The following ADGRL3 variants were observed in gnomAD, a reference collection of about 807,000 sequenced individuals.
ADGRL3 encodes adhesion G protein-coupled receptor L3, also known as calcium-independent alpha-latrotoxin receptor 3.
ADGRL3 carries 62 observed loss-of-function variants against 153.5 expected under a neutral mutation model. The observed-to-expected ratio is 0.40, with a 90% CI of 0.33 to 0.50. The LOEUF (loss-of-function observed/expected upper bound fraction) is 0.50. ADGRL3 is among the 20% of genes least tolerant of loss of function. The pLI, the probability that ADGRL3 is intolerant of heterozygous loss-of-function variation, is 0.47. For synonymous variants in ADGRL3, 710 were observed against 672.5 expected (o/e 1.06, Z -0.86); for missense variants, 1,641 against 1,859.4 (o/e 0.88, Z 2.16).
intron 5 of ADGRL3, among the ~76,000 whole-genome samples, chr4:61,637,896 G>C (rs905545024): frequency 6.6e-6 from 1 of 152,062 alleles, no homozygotes; most frequent in Admixed American, 6.6e-5. Flanking sequence ...TCAAATACCT[G>C]GATAGTAGAC....
chr4:61,286,179 A>G (rs908277965), intron 1 of ADGRL3, among the ~76,000 whole-genome samples: 3 of 151,524 alleles, frequency 2.0e-5, no homozygotes, highest in Non-Finnish European at 4.4e-5. Context: ...GATATTGTAT[A>G]TTTTTAAAAA....
intron 5 of ADGRL3, among the ~76,000 whole-genome samples, chr4:61,643,787 G>A (rs1310096889): frequency 3.5e-5 from 5 of 144,512 alleles, no homozygotes; most frequent in Admixed American, 2.8e-4. Context: ...TTGGTATCAG[G>A]ATGATGCTGG....
At chr4:61,755,718 G>A (rs2096820356) in intron 8 of ADGRL3, among the ~76,000 whole-genome samples, 1 of 152,178 alleles carries the variant, frequency 6.6e-6, no homozygotes, top group South Asian at 2.1e-4. Context: ...GAGTGGTATT[G>A]TCTAGGTTTT....
intron 2 of ADGRL3, among the ~76,000 whole-genome samples, chr4:61,453,998 C>G (rs957344626): frequency 1.3e-5 from 2 of 151,828 alleles, no homozygotes; most frequent in African/African-American, 4.8e-5. Flanking sequence ...TGTCATTGTT[C>G]AGTTGTTCAT....
chr4:62,025,098 A>G (rs1377369675), intron 21 of ADGRL3, among the ~76,000 whole-genome samples: 1 of 152,164 alleles, frequency 6.6e-6, no homozygotes, highest in Non-Finnish European at 1.5e-5. Flanking sequence ...AAGTATAACC[A>G]TTTGATTGAA....
At chr4:61,249,931 C>T (rs940794214) in intron 1 of ADGRL3, among the ~76,000 whole-genome samples, 1 of 152,138 alleles carries the variant, frequency 6.6e-6, no homozygotes, top group East Asian at 1.9e-4. Flanking sequence ...CTTACCATTA[C>T]TGTAACATTA....
intron 24 of ADGRL3, 141 bp downstream of exon 24, chr4:62,037,997 C>A: frequency 1.1e-6 from 1 of 892,528 alleles, no homozygotes; most frequent in Non-Finnish European, 1.7e-6. Flanking sequence ...GGGAATGATT[C>A]TGACAGAAAT....
intron 2 of ADGRL3, among the ~76,000 whole-genome samples, chr4:61,485,182 A>C (rs968446398): frequency 6.6e-6 from 1 of 152,180 alleles, no homozygotes; most frequent in East Asian, 1.9e-4. Context: ...TACTGAGATG[A>C]GATAATTTCA....
chr4:61,437,634 TA>T (rs2097465714), intron 2 of ADGRL3, among the ~76,000 whole-genome samples: 1 of 152,236 alleles, frequency 6.6e-6, no homozygotes, highest in Non-Finnish European at 1.5e-5. Flanking sequence ...GTCTTCTTTA[TA>T]AAATATCATT....
intron 9 of ADGRL3, among the ~76,000 whole-genome samples, chr4:61,882,446 CCT>C (rs1445484191): frequency 6.6e-6 from 1 of 152,138 alleles, no homozygotes; most frequent in Non-Finnish European, 1.5e-5. Flanking sequence ...TACATGGACT[CCT>C]CTCCCATTCA....
chr4:62,070,425 G>C lies in ADGRL3; in HGVS notation c.4149G>C (p.Ser1383=), dbSNP rs375355903. Residue 1383 remains serine, a synonymous_variant, in exon 27 of 27, where the codon TCG becomes TCC. Coordinates refer to ENST00000683033, the MANE Select transcript of ADGRL3 (RefSeq NM_001387552.1). The part of the protein sequence containing the change: ...DDAIVLDDAT[S]FNHEESLGLE... ...CCATTGTCCTGGATGATGCCACCTC[G>C]TTTAACCACGAGGAGAGTTTGGGCC... is the stretch of plus-strand genomic sequence containing the variant. The C allele has an allele frequency of 6.4e-7, 1 of 1,551,678 alleles. No homozygotes were observed. The highest frequency in any genetic ancestry group is 1.4e-5 in the African/African-American group (1 of 72,918).
intron 2 of ADGRL3, among the ~76,000 whole-genome samples, chr4:61,483,863 TAA>T (rs1450628388): frequency 1.3e-5 from 2 of 150,508 alleles, no homozygotes; most frequent in Non-Finnish European, 3.0e-5. Flanking sequence ...ATAAAATATA[TAA>T]TATATATGAA....
At chr4:61,327,297 T>A (rs1391430896) in intron 1 of ADGRL3, among the ~76,000 whole-genome samples, 1 of 150,634 alleles carries the variant, frequency 6.6e-6, no homozygotes, top group Non-Finnish European at 1.5e-5. Flanking sequence ...GTATTCTATC[T>A]AGTATAAGCT....
At chr4:61,578,223 A>G (rs1309945504) in intron 4 of ADGRL3, among the ~76,000 whole-genome samples, 2 of 152,070 alleles carry the variant, frequency 1.3e-5, no homozygotes, top group South Asian at 2.1e-4. Flanking sequence ...TATCTCTATG[A>G]CTTTCTCGTT....
At chr4:61,929,938 G>A (rs1479513569) in intron 13 of ADGRL3, among the ~76,000 whole-genome samples, 2 of 152,094 alleles carry the variant, frequency 1.3e-5, no homozygotes, top group South Asian at 2.1e-4. Context: ...ATTTTGGGAG[G>A]TCCGAGGCAG....
intron 1 of ADGRL3, among the ~76,000 whole-genome samples, chr4:61,213,033 G>T (rs1740855033): frequency 6.6e-6 from 1 of 152,154 alleles, no homozygotes; most frequent in Non-Finnish European, 1.5e-5. Context: ...TTGAATAATA[G>T]ATGATAGTGA....
intron 9 of ADGRL3, among the ~76,000 whole-genome samples, chr4:61,833,166 GC>G (rs1335848905): frequency 6.6e-6 from 1 of 151,960 alleles, no homozygotes; most frequent in Non-Finnish European, 1.5e-5. Flanking sequence ...TGTGTATCAC[GC>G]TTTATAGGTG....
intron 4 of ADGRL3, among the ~76,000 whole-genome samples, chr4:61,541,847 A>ACC (rs1443041284): frequency 7.5e-6 from 1 of 133,488 alleles, no homozygotes; most frequent in East Asian, 2.3e-4. Context: ...GTGTATACAC[A>ACC]CACACACACA....
chr4:61,602,131 C>T lies in ADGRL3; in HGVS notation c.473+14691C>T, dbSNP rs547255667. On this transcript the variant is annotated intron_variant, in intron 5 of 26. Transcript: ENST00000683033. ...GACCTCCCTGTCTTATATCTGCCAA[C>T]CCTGGTTTGGTTGCTTCTTTAGAAT... Among the ~76,000 whole-genome samples the T allele has an allele frequency of 3.3e-5, 5 of 151,504 alleles. No individual in the cohort carries two copies. The East Asian group carries it at 7.8e-4, about 23-fold the overall frequency.
Sources: gnomAD v4.1 joint callset for allele counts (sites outside exome capture counted in the v4.1 genomes callset) on GRCh38, gnomAD v4.1.1 for gene constraint, MANE v1.5 for transcripts, NCBI Gene and HGNC (gene_info 2026-07-23, HGNC 2026-07-21) for gene names.